CAMKMT: variants seen among roughly 807,000 people sequenced by gnomAD.
CAMKMT encodes the protein calmodulin-lysine N-methyltransferase, also known as CaM KMT.
Under a neutral mutation model 48.0 loss-of-function variants are expected in CAMKMT, and 53 were observed. That is an observed-to-expected ratio of 1.10 (90% CI 0.89 to 1.39). The LOEUF (loss-of-function observed/expected upper bound fraction) is 1.39. Among genes scored for constraint, CAMKMT ranks in the 40% most tolerant of loss-of-function variants. The pLI is 0.00. For missense variants in CAMKMT, 428 were observed against 402.7 expected, an observed-to-expected ratio of 1.06 and a Z score of -0.54; for synonymous variants, 165 against 152.3, an observed-to-expected ratio of 1.08 and a Z score of -0.61.
At chr2:44,449,546 A>G (rs1667182640) in intron 3 of CAMKMT, among the ~76,000 whole-genome samples, 1 of 151,952 alleles carries the variant, frequency 6.6e-6, no homozygotes, top group African/African-American at 2.4e-5. Context: ...TTCTAGATTA[A>G]CCTTTTATCA....
At chr2:44,513,963 A>T (rs913146944) in intron 3 of CAMKMT, among the ~76,000 whole-genome samples, 2 of 151,988 alleles carry the variant, frequency 1.3e-5, no homozygotes, top group Non-Finnish European at 2.9e-5. Context: ...TTAGCCAGGC[A>T]TGGTAGTGCA....
At chr2:44,509,579 G>A (rs565974943) in intron 3 of CAMKMT, among the ~76,000 whole-genome samples, 3 of 152,254 alleles carry the variant, frequency 2.0e-5, no homozygotes, top group Admixed American at 2.0e-4. Flanking sequence ...CTGAATAAAA[G>A]TTTTAAAATA....
At chr2:44,658,137 G>A (rs1450302089) in intron 3 of CAMKMT, among the ~76,000 whole-genome samples, 2 of 152,162 alleles carry the variant, frequency 1.3e-5, no homozygotes, top group Non-Finnish European at 2.9e-5. Flanking sequence ...AAGCACCGAC[G>A]TCATTCTGTA....
chr2:44,369,366 G>C (rs552204090), intron 1 of CAMKMT, among the ~76,000 whole-genome samples: 12 of 151,992 alleles, frequency 7.9e-5, no homozygotes, highest in Admixed American at 5.9e-4. Flanking sequence ...TGATTATTTT[G>C]ATCTCAGTTT....
At chr2:44,668,429 C>T (rs1447611201) in intron 3 of CAMKMT, among the ~76,000 whole-genome samples, 1 of 152,308 alleles carries the variant, frequency 6.6e-6, no homozygotes, top group Admixed American at 6.5e-5. Flanking sequence ...CCTCTCTCTG[C>T]TGATCGACTC....
intron 3 of CAMKMT, among the ~76,000 whole-genome samples, chr2:44,477,716 C>T (rs1028255348): frequency 3.3e-5 from 5 of 152,062 alleles, no homozygotes; most frequent in Admixed American, 6.5e-5. Context: ...AGCTTTTGTT[C>T]GCACTAAAGA....
chr2:44,401,549 T>C (rs968729759), intron 3 of CAMKMT, among the ~76,000 whole-genome samples: 1 of 150,872 alleles, frequency 6.6e-6, no homozygotes, highest in African/African-American at 2.5e-5. Flanking sequence ...AGAGACTCTG[T>C]CTCAAAAAAA....
intron 3 of CAMKMT, among the ~76,000 whole-genome samples, chr2:44,700,526 T>G (rs1677199526): frequency 6.6e-6 from 1 of 152,176 alleles, no homozygotes; most frequent in African/African-American, 2.4e-5. Context: ...TTTGTTAAGT[T>G]TATTAATTAG....
intron 2 of CAMKMT, among the ~76,000 whole-genome samples, chr2:44,388,479 A>C (rs1023949099): frequency 6.6e-6 from 1 of 152,156 alleles, no homozygotes; most frequent in Admixed American, 6.5e-5. Flanking sequence ...TTAGCTTAAT[A>C]ACTAACCTCC....
intron 3 of CAMKMT, among the ~76,000 whole-genome samples, chr2:44,463,166 G>T (rs968900768): frequency 6.6e-6 from 1 of 152,186 alleles, no homozygotes; most frequent in South Asian, 2.1e-4. Flanking sequence ...AGTTGTTCCA[G>T]TTTGGATTTG....
At chr2:44,518,707 C>T (rs540744185) in intron 3 of CAMKMT, among the ~76,000 whole-genome samples, 5 of 152,268 alleles carry the variant, frequency 3.3e-5, no homozygotes, top group South Asian at 4.1e-4. Flanking sequence ...ATTCTGTATT[C>T]GCCAGAGTGC....
chr2:44,627,448 AC>A (rs2103955144), intron 3 of CAMKMT, among the ~76,000 whole-genome samples: 1 of 152,228 alleles, frequency 6.6e-6, no homozygotes, highest in Admixed American at 6.5e-5. Flanking sequence ...GAAAAAATTT[AC>A]AGAAAATTGC....
intron 3 of CAMKMT, among the ~76,000 whole-genome samples, chr2:44,484,326 G>T (rs996148431): frequency 6.6e-6 from 1 of 152,030 alleles, no homozygotes; most frequent in East Asian, 1.9e-4. Context: ...AGATATCAAG[G>T]CTTGTTATAA....
At chr2:44,472,286 G>T (rs1473009382) in intron 3 of CAMKMT, among the ~76,000 whole-genome samples, 1 of 152,048 alleles carries the variant, frequency 6.6e-6, no homozygotes, top group Admixed American at 6.6e-5. Context: ...TGTTAGCCAG[G>T]ATATTAAATG....
chr2:44,364,604 G>C (rs1418998256), intron 1 of CAMKMT, among the ~76,000 whole-genome samples: 1 of 152,204 alleles, frequency 6.6e-6, no homozygotes, highest in Non-Finnish European at 1.5e-5. Flanking sequence ...AAGCCTGAGA[G>C]TAAGGACAGT....
At chr2:44,380,727 A>G (rs962938467) in intron 2 of CAMKMT, among the ~76,000 whole-genome samples, 3 of 152,330 alleles carry the variant, frequency 2.0e-5, no homozygotes, top group Non-Finnish European at 4.4e-5. Context: ...GCCATCTTTT[A>G]GGGTTTTTAA....
chr2:44,420,104 A>G (rs1683833011), intron 3 of CAMKMT, among the ~76,000 whole-genome samples: 1 of 152,200 alleles, frequency 6.6e-6, no homozygotes, highest in African/African-American at 2.4e-5. Context: ...GTAAAGATTT[A>G]TTAATTGTGT....
In CAMKMT at chr2:44,377,438, C is replaced by T. The variant is rs554558613; in HGVS notation, c.311+4550C>T. 3.5e-4 allele frequency among the ~76,000 whole-genome samples: 53 copies of T among 152,310 alleles called. No individual in the cohort carries two copies. In the South Asian group the frequency reaches 4.4e-3, roughly 13 times the overall value. On this transcript the variant is annotated intron_variant, in intron 2 of 10. Coordinates refer to ENST00000378494, the MANE Select transcript of CAMKMT (RefSeq NM_024766.5). ...GATTAAAATTTCCTTTTCCCTATCT[C>T]ATAAACTATAATATATTGTTGTATA...
intron 3 of CAMKMT, among the ~76,000 whole-genome samples, chr2:44,613,548 A>G (rs763335258): frequency 1.2e-4 from 18 of 152,160 alleles, no homozygotes; most frequent in Non-Finnish European, 1.0e-4. Context: ...ACTGTGTTTA[A>G]CTCATCAGGA....
Sources: allele counts gnomAD v4.1 joint callset (sites outside exome capture counted in the v4.1 genomes callset), GRCh38; gene constraint gnomAD v4.1.1; transcripts MANE v1.5; gene names NCBI Gene and HGNC (gene_info 2026-07-23, HGNC 2026-07-21).